Variants in CASD1 observed in about 807,000 individuals in gnomAD.
The protein encoded by CASD1 is N-acetylneuraminate (7)9-O-acetyltransferase.
A neutral mutation model predicts 100.0 loss-of-function variants in CASD1; 41 were observed. That is an observed-to-expected ratio of 0.41 (90% CI 0.32 to 0.53). CASD1 has a LOEUF of 0.53. Ranked by LOEUF, CASD1 falls within the 20% of genes least tolerant of loss-of-function variation. The pLI, the probability that CASD1 is intolerant of heterozygous loss-of-function variation, is 0.25. For synonymous variants in CASD1, 321 were observed against 315.6 expected (o/e 1.02, Z -0.18); for missense variants, 774 against 948.7 (o/e 0.82, Z 2.42).
the CASD1 span, chr7:94,625,460 C>T: frequency 6.6e-6 from 1 of 151,868 alleles, no homozygotes; most frequent in Admixed American, 6.6e-5. Flanking sequence ...TCTTATGAAA[C>T]CATCCCAGTA....
At chr7:94,545,169 G>C (rs924675109) in intron 11 of CASD1, among the ~76,000 whole-genome samples, 3 of 152,070 alleles carry the variant, frequency 2.0e-5, no homozygotes, top group Non-Finnish European at 4.4e-5. Context: ...CCCAAATGGG[G>C]TAAGTCAACA....
chr7:94,528,286 T>TA, intron 5 of CASD1, 36 bp downstream of exon 5: 1 of 1,248,278 alleles, frequency 8.0e-7, no homozygotes. Flanking sequence ...TTTTTTTTTT[T>TA]ATTTTTATTC....
the CASD1 span, among the ~76,000 whole-genome samples, chr7:94,611,264 T>C: frequency 1.3e-4 from 20 of 152,294 alleles, no homozygotes; most frequent in South Asian, 6.2e-4. Flanking sequence ...AACTTATAAA[T>C]GGATAAACAA....
Position 94,533,722 on chromosome 7 carries a change from A to G in CASD1, c.548A>G (p.Gln183Arg), listed in dbSNP as rs748821175. 3 of 1,606,440 alleles carry G rather than the reference A, an allele frequency of 1.9e-6. No homozygotes were observed. Among genetic ancestry groups the G allele is most frequent in the Non-Finnish European group, 2.6e-6 (3 of 1,176,414 alleles). ...IHNGSSEALS[Q>R]YKMNITSIAP... is the part of the protein sequence containing the mutation. ...AATGGTAGCAGTGAAGCGCTTTCTC[A>G]ATATAAAATGAACATCACCTCCATA... The change falls in exon 7 of 18, where the codon CAA becomes CGA. Residue 183 changes from glutamine (Q) to arginine (R), a missense_variant. Around this residue, in one of 5 missense-constraint regions of CASD1, gnomAD observed 453 missense variants for 532.6 expected, o/e 0.85. Coordinates refer to ENST00000297273, the MANE Select transcript of CASD1 (RefSeq NM_022900.5).
Position 94,510,116 on chromosome 7 carries a change from G to C in CASD1, c.32G>C (p.Arg11Pro). The stretch of plus-strand genomic sequence containing the variant: ...GCTCTGGCCTACAACCTGGGCAAGC[G>C]GGAGATCAACCACTACTTCAGCGTG... MAALAYNLGK[R>P]EINHYFSVRS... The change falls in exon 1 of 18, where the codon CGG (arginine) becomes CCG (proline). Residue 11 changes from arginine to proline, a missense_variant. This residue lies in a region of CASD1 where 75 missense variants were observed against 60.9 expected (regional missense o/e 1.23). Coordinates refer to ENST00000297273, the MANE Select transcript of CASD1 (RefSeq NM_022900.5). 1 of 1,530,112 alleles carries C rather than the reference G, an allele frequency of 6.5e-7. No homozygotes were observed. The highest frequency in any genetic ancestry group is 8.8e-7 in the Non-Finnish European group (1 of 1,137,260). 94.8% of individuals were successfully genotyped at this position (1,530,112 alleles called of 1,614,324 possible). A position where few individuals can be genotyped will look rare whatever the true frequency, so the allele number is the denominator to read the frequency against.
Position 94,517,628 on chromosome 7 carries a change from A to G in CASD1, c.202A>G (p.Ser68Gly), listed in dbSNP as rs777806221. Residue 68 changes from serine (S) to glycine (G), a missense_variant, in exon 2 of 18, where the codon AGT (serine) becomes GGT (glycine). Ser to Gly is a moderately conservative substitution (Grantham distance 56). Around this residue, in one of 5 missense-constraint regions of CASD1, gnomAD observed 61 missense variants for 115.9 expected, o/e 0.53. Transcript: ENST00000297273. ...TGGAGAGAAAGTTTGGCAACCTCAC[A>G]GTTGTATGATGCATAAATACAAAAT... ...FLGEKVWQPH[S>G]CMMHKYKISE... 4 of 1,608,876 alleles carry G rather than the reference A, an allele frequency of 2.5e-6. No individual in the cohort carries two copies. The highest frequency in any genetic ancestry group is 2.7e-5 in the African/African-American group (2 of 74,708).
the CASD1 span, among the ~76,000 whole-genome samples, chr7:94,605,977 C>T: frequency 2.5e-3 from 380 of 152,038 alleles, no homozygotes; most frequent in African/African-American, 6.2e-3. Context: ...TACAGGTGCC[C>T]GCCACCACAC....
intron 6 of CASD1, 110 bp from the exon 7 acceptor site, chr7:94,533,566 TAAA>T (rs993225838): frequency 5.0e-6 from 4 of 799,396 alleles, no homozygotes; most frequent in African/African-American, 1.8e-5. Flanking sequence ...ATTCTAATAT[TAAA>T]TAAAATGAGA....
At chr7:94,567,221 C>T in the CASD1 span, among the ~76,000 whole-genome samples, 1 of 152,018 alleles carries the variant, frequency 6.6e-6, no homozygotes, top group South Asian at 2.1e-4. Flanking sequence ...GGCTAGAACT[C>T]ATCCATCTTG....
chr7:94,549,131 A>G (rs1795821419), intron 13 of CASD1, among the ~76,000 whole-genome samples: 1 of 151,928 alleles, frequency 6.6e-6, no homozygotes, highest in South Asian at 2.1e-4. Flanking sequence ...ACTGGCTGAA[A>G]TATTTTGTAT....
intron 10 of CASD1, among the ~76,000 whole-genome samples, chr7:94,543,611 C>T (rs796190013): frequency 5.3e-5 from 8 of 151,040 alleles, no homozygotes; most frequent in African/African-American, 7.3e-5. Flanking sequence ...GCCGAGATCA[C>T]GCCACTGCAT....
chr7:94,611,651 T>A, the CASD1 span, among the ~76,000 whole-genome samples: 1 of 152,202 alleles, frequency 6.6e-6, no homozygotes, highest in South Asian at 2.1e-4. Flanking sequence ...GTATGATATG[T>A]GAATTATATC....
chr7:94,528,937 G>GT (rs1794714270), intron 5 of CASD1, among the ~76,000 whole-genome samples: 1 of 151,956 alleles, frequency 6.6e-6, no homozygotes, highest in African/African-American at 2.4e-5. Flanking sequence ...CCCTGCAACA[G>GT]TTTTTTGGTT....
chr7:94,598,715 A>C, the CASD1 span: 1 of 1,132,038 alleles, frequency 8.8e-7, no homozygotes, highest in South Asian at 1.2e-5. Context: ...TCTGTTCTTT[A>C]CAGATATTAG....
chr7:94,626,160 T>C, the CASD1 span: 2 of 152,240 alleles, frequency 1.3e-5, no homozygotes, highest in South Asian at 2.1e-4. Flanking sequence ...CAGGATTTCG[T>C]TTTTATTTTA....
chr7:94,583,669 TG>T, the CASD1 span, among the ~76,000 whole-genome samples: 3 of 152,144 alleles, frequency 2.0e-5, no homozygotes, highest in Non-Finnish European at 1.5e-5. Context: ...CTGAGTTTAC[TG>T]GAATTGCTGA....
intron 13 of CASD1, among the ~76,000 whole-genome samples, chr7:94,547,434 A>G (rs6958042): frequency 0.51 from 77,904 of 151,594 alleles, 21,170 homozygotes; most frequent in South Asian, 0.73. Flanking sequence ...ACTTTGATCA[A>G]TCAAACATTT....
At chr7:94,599,803 G>A in the CASD1 span, 2 of 1,018,820 alleles carry the variant, frequency 2.0e-6, no homozygotes, top group Admixed American at 1.7e-5. Flanking sequence ...ATGGGATCTT[G>A]CATGATGTGG....
At chr7:94,535,968 C>T (rs971391096) in intron 8 of CASD1, among the ~76,000 whole-genome samples, 50 of 152,256 alleles carry the variant, frequency 3.3e-4, no homozygotes, top group African/African-American at 1.1e-3. Context: ...TCTGGCCAGG[C>T]GCAGTGGCTC....
Sources: gnomAD v4.1 joint callset for allele counts (sites outside exome capture counted in the v4.1 genomes callset) on GRCh38, gnomAD v4.1.1 for gene constraint, gnomAD v4.1.1 regional missense constraint, MANE v1.5 for transcripts, NCBI Gene and HGNC (gene_info 2026-07-23, HGNC 2026-07-21) for gene names.